Variants in TPD52L2 observed in about 807,000 individuals in gnomAD.
TPD52L2 encodes TPD52 like 2, also known as tumor protein D54.
Under a neutral mutation model 24.7 loss-of-function variants are expected in TPD52L2, and 19 were observed. The ratio of observed to expected loss-of-function variants is 0.77; its 90% CI spans 0.54 to 1.13. TPD52L2 has a LOEUF of 1.13. Among genes scored for constraint, TPD52L2 ranks in the 50% most tolerant of loss-of-function variants. TPD52L2 has a pLI of 0.00. For missense variants in TPD52L2, 236 were observed against 250.4 expected (o/e 0.94, Z 0.39); for synonymous variants, 104 against 100.2 (o/e 1.04, Z -0.23).
intron 5 of TPD52L2, among the ~76,000 whole-genome samples, chr20:63,886,727 C>T (rs1357243918): frequency 2.0e-5 from 3 of 150,014 alleles, no homozygotes; most frequent in South Asian, 2.1e-4. Flanking sequence ...TCACTGCAAC[C>T]TCCAGCTCCC....
intron 5 of TPD52L2, among the ~76,000 whole-genome samples, chr20:63,886,218 C>T (rs560258389): frequency 3.3e-5 from 5 of 152,288 alleles, no homozygotes; most frequent in African/African-American, 4.8e-5. Flanking sequence ...AAAGCAGCAG[C>T]GTGGGATCGA....
chr20:63,869,545 G>A (rs929629047), intron 2 of TPD52L2, 104 bp downstream of exon 2: 6 of 1,433,638 alleles, frequency 4.2e-6, no homozygotes, highest in Non-Finnish European at 3.9e-6. Flanking sequence ...ATTGCCCTGG[G>A]TGGTCACCTA....
chr20:63,869,243 T>C (rs2052370825), intron 1 of TPD52L2, 53 bp from the exon 2 acceptor site: 2 of 1,607,924 alleles, frequency 1.2e-6, no homozygotes, highest in Non-Finnish European at 8.5e-7. Flanking sequence ...TCTACCGTAT[T>C]TACTTGGAAC....
rs749147905 is a variant in TPD52L2, at chr20:63,889,856, G to A, written c.532G>A (p.Val178Ile). Residue 178 changes from valine (V) to isoleucine (I), a missense_variant, in exon 7 of 7, where the codon GTT becomes ATT. Val to Ile is a conservative substitution (Grantham distance 29). Coordinates refer to ENST00000346249, the MANE Select transcript of TPD52L2 (RefSeq NM_003288.4). ...CATCTTTTCTCTCCTGTAGTCTAAG[G>A]TTGTGGGTGACAGAGAGAACGGCAG... ...EDRVGTIKSKVVGDRENGSDN... is the reference protein window; with the variant it reads ...EDRVGTIKSKIVGDRENGSDN... 17 of 1,614,096 alleles carry A rather than the reference G, an allele frequency of 1.1e-5. No individual in the cohort carries two copies. The highest frequency in any genetic ancestry group is 2.2e-5 in the East Asian group (1 of 44,892).
In TPD52L2 at chr20:63,865,385, G is replaced by T. The variant is rs1220897782; in HGVS notation, c.19+1G>T. 1.3e-6 allele frequency: 2 copies of T among 1,530,060 alleles called. No homozygotes were observed. The highest frequency in any genetic ancestry group is 2.5e-5 in the East Asian group (1 of 39,978). 94.8% of individuals were successfully genotyped at this position (1,530,060 alleles called of 1,614,324 possible). On this transcript the variant is annotated splice_donor_variant, in intron 1 of 6. Coordinates refer to ENST00000346249, the MANE Select transcript of TPD52L2 (RefSeq NM_003288.4). LOFTEE classifies it high-confidence loss of function. The stretch of plus-strand genomic sequence containing the variant: ...CCGAACATGGACTCCGCCGGCCAAG[G>T]TACCTGCCGGGCCCGGCCCCTTCGC...
intron 2 of TPD52L2, among the ~76,000 whole-genome samples, chr20:63,870,718 GT>G (rs2052430162): frequency 7.2e-6 from 1 of 138,840 alleles, no homozygotes; most frequent in African/African-American, 2.7e-5. Context: ...TCGAGATGGG[GT>G]TTGTTTTTTT....
intron 2 of TPD52L2, among the ~76,000 whole-genome samples, chr20:63,870,084 C>G (rs965692161): frequency 6.6e-5 from 10 of 152,208 alleles, no homozygotes; most frequent in African/African-American, 2.4e-4. Flanking sequence ...GCTGTGATTG[C>G]ATCCTGCACA....
At chr20:63,868,720 G>C (rs1036945068) in intron 1 of TPD52L2, among the ~76,000 whole-genome samples, 10 of 152,230 alleles carry the variant, frequency 6.6e-5, no homozygotes, top group African/African-American at 1.7e-4. Flanking sequence ...AAGGCGGGCG[G>C]ATCACCCGAG....
rs1436627278 is a variant in TPD52L2, at chr20:63,871,538, C to T, written c.165+2097C>T. 2.6e-5 allele frequency among the ~76,000 whole-genome samples: 4 copies of T among 151,236 alleles called. No individual in the cohort carries two copies. The East Asian group carries it at 5.8e-4, about 22-fold the overall frequency. On this transcript the variant is annotated intron_variant, in intron 2 of 6. Coordinates refer to ENST00000346249, the MANE Select transcript of TPD52L2 (RefSeq NM_003288.4). ...CTAATTTTTGTATTTTTAGTAGAGA[C>T]GGAGTTTCACCACGTTGGCCAGGTT...
At chr20:63,887,337 C>G (rs142435690) in intron 5 of TPD52L2, 6 of 652,768 alleles carry the variant, frequency 9.2e-6, no homozygotes, top group Admixed American at 2.4e-5. Flanking sequence ...GCTCTCCCCC[C>G]TCCCAGTGCT....
intron 5 of TPD52L2, chr20:63,888,606 C>T (rs2053218572): frequency 7.5e-6 from 1 of 132,708 alleles, no homozygotes; most frequent in Admixed American, 7.1e-5. Flanking sequence ...CCCCCAACTG[C>T]GCAGACTTTT....
chr20:63,871,627 C>T (rs1255772311), intron 2 of TPD52L2, among the ~76,000 whole-genome samples: 2 of 145,296 alleles, frequency 1.4e-5, no homozygotes, highest in Non-Finnish European at 3.0e-5. Context: ...TGGGATTACA[C>T]GCAAGAAAGA....
intron 2 of TPD52L2, among the ~76,000 whole-genome samples, chr20:63,870,647 C>T (rs1345290288): frequency 1.3e-5 from 2 of 150,728 alleles, no homozygotes; most frequent in Admixed American, 6.6e-5. Context: ...CCTCAGCCTC[C>T]TGAGTAGCTG....
chr20:63,889,250 T>C lies in TPD52L2; in HGVS notation c.525+12T>C, dbSNP rs1357439990. ...TTGGGACCATAAAGGTAATTGTACCTGGACTGTTTGATGGTCTTGGCAAGG... is the reference window on the plus strand; with the variant it reads ...TTGGGACCATAAAGGTAATTGTACCCGGACTGTTTGATGGTCTTGGCAAGG... On this transcript the variant is annotated intron_variant, in intron 6 of 6. Transcript: ENST00000346249. The C allele has an allele frequency of 3.7e-6, 6 of 1,610,684 alleles. No homozygotes were observed. The East Asian group carries it at 8.9e-5, about 24-fold the overall frequency.
intron 4 of TPD52L2, among the ~76,000 whole-genome samples, chr20:63,881,557 A>T (rs1313824208): frequency 6.6e-6 from 1 of 152,096 alleles, no homozygotes; most frequent in Non-Finnish European, 1.5e-5. Flanking sequence ...GCCTGTGAGT[A>T]AGGGCTCCGG....
rs759808250 is a variant in TPD52L2, at chr20:63,876,837, T to G, written c.374+962T>G. 25 of 455,662 alleles carry G rather than the reference T, an allele frequency of 5.5e-5. 1 individual carries two copies. In the East Asian group the frequency reaches 1.7e-3, roughly 32 times the overall value. 28.2% of individuals were successfully genotyped at this position (455,662 alleles called of 1,614,324 possible). A position where few individuals can be genotyped will look rare whatever the true frequency, so the allele number is the denominator to read the frequency against. ...CGGGTATTCCAGGGACCCGGGTGGT[T>G]CGTGGGCATGGCTACAGCAGCCAGC... On this transcript the variant is annotated intron_variant, in intron 4 of 6. Coordinates refer to ENST00000346249, the MANE Select transcript of TPD52L2 (RefSeq NM_003288.4).
At chr20:63,879,526 C>T (rs562396909) in intron 4 of TPD52L2, among the ~76,000 whole-genome samples, 2 of 152,284 alleles carry the variant, frequency 1.3e-5, no homozygotes, top group East Asian at 1.9e-4. Flanking sequence ...TTCTGAAGGC[C>T]GGGCACAGGC....
At chr20:63,878,526 G>C (rs1037232728) in intron 4 of TPD52L2, among the ~76,000 whole-genome samples, 1 of 152,234 alleles carries the variant, frequency 6.6e-6, no homozygotes, top group Non-Finnish European at 1.5e-5. Flanking sequence ...TCACCAGGCA[G>C]AGAAGTCCCT....
intron 4 of TPD52L2, among the ~76,000 whole-genome samples, chr20:63,881,222 G>T (rs561369481): frequency 6.6e-6 from 1 of 152,284 alleles, no homozygotes; most frequent in Admixed American, 6.5e-5. Context: ...TTAGCAGGGC[G>T]TGGTGGTGGG....
Sources: allele counts gnomAD v4.1 joint callset (sites outside exome capture counted in the v4.1 genomes callset), GRCh38; gene constraint gnomAD v4.1.1; transcripts MANE v1.5; gene names NCBI Gene and HGNC (gene_info 2026-07-23, HGNC 2026-07-21).